The following RNF38 variants were observed in gnomAD, a reference collection of about 807,000 sequenced individuals.
The protein encoded by RNF38 is E3 ubiquitin-protein ligase RNF38.
A neutral mutation model predicts 67.2 loss-of-function variants in RNF38; 15 were observed. That is an observed-to-expected ratio of 0.22 (90% CI 0.15 to 0.34). The LOEUF (loss-of-function observed/expected upper bound fraction) is 0.34, where lower values mean the gene tolerates loss of function less well. Among genes scored for constraint, RNF38 ranks in the 10% least tolerant of loss-of-function variants. RNF38 has a pLI of 1.00. For synonymous variants in RNF38, 220 were observed against 218.8 expected (o/e 1.01, Z -0.05); for missense variants, 524 against 639.9 (o/e 0.82, Z 1.95).
intron 1 of RNF38, among the ~76,000 whole-genome samples, chr9:36,450,263 C>CTT (rs200252520): frequency 6.6e-6 from 1 of 151,364 alleles, no homozygotes; most frequent in Admixed American, 6.6e-5. Context: ...TCCCACTTGA[C>CTT]TTTTTTTTTA....
At chr9:36,417,986 T>C (rs745983789) in intron 2 of RNF38, among the ~76,000 whole-genome samples, 8 of 152,102 alleles carry the variant, frequency 5.3e-5, no homozygotes, top group Non-Finnish European at 1.0e-4. Flanking sequence ...GAAATTCCAA[T>C]TGTTATTTCT....
chr9:36,476,668 C>T (rs950507769), intron 1 of RNF38, among the ~76,000 whole-genome samples: 1 of 151,768 alleles, frequency 6.6e-6, no homozygotes, highest in South Asian at 2.1e-4. Context: ...GGATTACAGG[C>T]GCCCACCACC....
At chr9:36,392,104 T>C (rs1837159764) in intron 1 of RNF38, among the ~76,000 whole-genome samples, 2 of 152,304 alleles carry the variant, frequency 1.3e-5, no homozygotes, top group South Asian at 2.1e-4. Context: ...AAACCGATCA[T>C]AAAATGAAAT....
At chr9:36,464,132 C>A (rs1460555731) in intron 1 of RNF38, among the ~76,000 whole-genome samples, 6 of 151,868 alleles carry the variant, frequency 4.0e-5, no homozygotes, top group African/African-American at 1.2e-4. Context: ...ACACTGCACT[C>A]CAGCCTGGGC....
Position 36,356,490 on chromosome 9 carries a change from T to C in RNF38, c.739-17A>G. 6.5e-7 allele frequency: 1 copy of C among 1,533,776 alleles called. No individual in the cohort carries two copies. The highest frequency in any genetic ancestry group is 8.8e-7 in the Non-Finnish European group (1 of 1,142,610). Reference sequence around the variant, plus strand: ...CTGAAGCATCTGTAAGAGAAACCATTACAGTTTGGTTAAAAATATCAGAAT... The same window carrying C: ...CTGAAGCATCTGTAAGAGAAACCATCACAGTTTGGTTAAAAATATCAGAAT... On this transcript the variant is annotated splice_polypyrimidine_tract_variant and intron_variant, in intron 5 of 11. Coordinates refer to ENST00000259605, the MANE Select transcript of RNF38 (RefSeq NM_022781.5).
At chr9:36,414,687 CAAAAAAAAAAA>C (rs549559098) in intron 2 of RNF38, among the ~76,000 whole-genome samples, 4 of 70,042 alleles carry the variant, frequency 5.7e-5, no homozygotes, top group Non-Finnish European at 1.3e-4. Flanking sequence ...ACTCTGTCTC[CAAAAAAAAAAA>C]AAAAAAAAGA....
intron 2 of RNF38, among the ~76,000 whole-genome samples, chr9:36,382,080 T>G (rs1836252429): frequency 6.6e-6 from 1 of 152,198 alleles, no homozygotes. Flanking sequence ...CTTGGATAAT[T>G]TAGATTTTGA....
intron 4 of RNF38, among the ~76,000 whole-genome samples, chr9:36,365,674 T>TTG (rs1195529242): frequency 7.0e-6 from 1 of 143,460 alleles, no homozygotes. Flanking sequence ...TTTTTTTTTT[T>TTG]TTTTTTTTTG....
upstream of RNF38, among the ~76,000 whole-genome samples, chr9:36,402,218 G>A (rs980369142): frequency 1.1e-4 from 17 of 152,230 alleles, 1 homozygote; most frequent in African/African-American, 3.9e-4. Context: ...CTGGAAAGAG[G>A]TATTAGGTCC....
chr9:36,409,402 T>C (rs1304563672), intron 2 of RNF38, among the ~76,000 whole-genome samples: 5 of 152,138 alleles, frequency 3.3e-5, no homozygotes, highest in African/African-American at 1.2e-4. Flanking sequence ...TTAGCTACTT[T>C]ACTTTTGGGA....
intron 1 of RNF38, among the ~76,000 whole-genome samples, chr9:36,397,234 G>A (rs1837606331): frequency 6.6e-6 from 1 of 151,562 alleles, no homozygotes. Flanking sequence ...TCCTGCTTCA[G>A]CCTCCAGAGT....
rs1310222657 is a variant in RNF38, at chr9:36,363,735, C to T, written c.571-5793G>A. Among the ~76,000 whole-genome samples, 2 of 100,224 alleles carry T rather than the reference C, an allele frequency of 2.0e-5. 1 individual carries two copies. Among genetic ancestry groups the T allele is most frequent in the Non-Finnish European group, 5.2e-5 (2 of 38,604 alleles). 65.8% of individuals were successfully genotyped at this position (100,224 alleles called of 152,430 possible). ...CACACCTAGGCTTATATGTTATAGC[C>T]TATTGCCCCTAGGCTACAAACCTGT... On this transcript the variant is annotated intron_variant, in intron 4 of 11. Coordinates refer to ENST00000259605, the MANE Select transcript of RNF38 (RefSeq NM_022781.5).
chr9:36,477,787 A>G (rs562496355), intron 1 of RNF38, among the ~76,000 whole-genome samples: 28 of 143,336 alleles, frequency 2.0e-4, no homozygotes, highest in African/African-American at 5.2e-4. Flanking sequence ...GCACCACCGC[A>G]CTCCAGCCTG....
intron 9 of RNF38, among the ~76,000 whole-genome samples, chr9:36,347,875 G>A (rs1204217849): frequency 6.6e-6 from 1 of 151,836 alleles, no homozygotes; most frequent in Non-Finnish European, 1.5e-5. Flanking sequence ...AGGAGATCGA[G>A]ACCATCCTGG....
intron 2 of RNF38, among the ~76,000 whole-genome samples, chr9:36,382,378 G>A (rs1836276632): frequency 6.6e-6 from 1 of 152,106 alleles, no homozygotes; most frequent in African/African-American, 2.4e-5. Flanking sequence ...AATGAGTCTA[G>A]GAGTACACCT....
At chr9:36,373,063 T>A (rs1835503172) in intron 3 of RNF38, among the ~76,000 whole-genome samples, 1 of 152,004 alleles carries the variant, frequency 6.6e-6, no homozygotes, top group African/African-American at 2.4e-5. Context: ...AAACATTAGC[T>A]GGGTGTTGTG....
chr9:36,345,911 C>T (rs1187964674), intron 9 of RNF38, among the ~76,000 whole-genome samples: 1 of 152,150 alleles, frequency 6.6e-6, no homozygotes, highest in Non-Finnish European at 1.5e-5. Flanking sequence ...AATCCCTTGC[C>T]CCCTTGTCCT....
chr9:36,341,572 G>C (rs1354585175), intron 11 of RNF38, among the ~76,000 whole-genome samples: 13 of 151,824 alleles, frequency 8.6e-5, no homozygotes, highest in Non-Finnish European at 1.9e-4. Flanking sequence ...AGCAGCTTTT[G>C]TAAACTTTTT....
intron 1 of RNF38, among the ~76,000 whole-genome samples, chr9:36,430,064 C>T (rs184403168): frequency 4.1e-4 from 63 of 152,264 alleles, no homozygotes; most frequent in African/African-American, 1.1e-3. Context: ...ACCCCTCCTA[C>T]CCTACTCTCA....
Sources: allele counts gnomAD v4.1 joint callset (sites outside exome capture counted in the v4.1 genomes callset), GRCh38; gene constraint gnomAD v4.1.1; transcripts MANE v1.5; gene names NCBI Gene and HGNC (gene_info 2026-07-23, HGNC 2026-07-21).